FGF14: variants seen among roughly 807,000 people sequenced by gnomAD.
FGF14 encodes fibroblast growth factor homologous factor 4.
Under a neutral mutation model 25.5 loss-of-function variants are expected in FGF14, and 5 were observed. The observed-to-expected ratio is 0.20, with a 90% CI of 0.10 to 0.41. The LOEUF (loss-of-function observed/expected upper bound fraction) is 0.41. FGF14 is among the 10% of genes least tolerant of loss of function. The pLI is 1.00. For synonymous variants in FGF14, 138 were observed against 118.3 expected (o/e 1.17, Z -1.08); for missense variants, 222 against 320.1 (o/e 0.69, Z 2.34).
At chr13:101,963,476 A>G (rs2036995156) in intron 1 of FGF14, among the ~76,000 whole-genome samples, 1 of 152,148 alleles carries the variant, frequency 6.6e-6, no homozygotes, top group African/African-American at 2.4e-5. Flanking sequence ...CCTATGTCAC[A>G]AACTAATGCT....
At chr13:102,033,277 T>C (rs2041302612) in intron 1 of FGF14, among the ~76,000 whole-genome samples, 1 of 152,098 alleles carries the variant, frequency 6.6e-6, no homozygotes, top group Non-Finnish European at 1.5e-5. Flanking sequence ...CAAAGCCATA[T>C]ACCAGTATAC....
intron 1 of FGF14, chr13:102,017,196 T>C (rs1163610047): frequency 6.9e-6 from 2 of 291,204 alleles, no homozygotes; most frequent in African/African-American, 2.2e-5. Flanking sequence ...TCTCCAGTTT[T>C]ACTTGTTGAT....
At chr13:101,934,725 T>C (rs1407869513) in intron 1 of FGF14, among the ~76,000 whole-genome samples, 2 of 147,904 alleles carry the variant, frequency 1.4e-5, no homozygotes, top group African/African-American at 5.0e-5. Flanking sequence ...AAAGTCCAAA[T>C]GCCCCTCACT....
intron 3 of FGF14, among the ~76,000 whole-genome samples, chr13:101,774,528 A>G (rs2038977068): frequency 6.6e-6 from 1 of 152,110 alleles, no homozygotes; most frequent in African/African-American, 2.4e-5. Context: ...GAATGAAGGT[A>G]GTCTTGCTGG....
chr13:101,928,501 G>T (rs1198585723), intron 1 of FGF14, among the ~76,000 whole-genome samples: 4 of 151,432 alleles, frequency 2.6e-5, no homozygotes, highest in Non-Finnish European at 5.9e-5. Flanking sequence ...AATTTTATTC[G>T]TTTATGGCTT....
intron 1 of FGF14, among the ~76,000 whole-genome samples, chr13:102,063,892 G>A (rs2042793022): frequency 1.3e-5 from 2 of 152,046 alleles, no homozygotes; most frequent in African/African-American, 2.4e-5. Flanking sequence ...CATGTCATGC[G>A]ATGAACTATT....
At chr13:102,110,536 G>A (rs778047318) in intron 1 of FGF14, among the ~76,000 whole-genome samples, 2 of 152,072 alleles carry the variant, frequency 1.3e-5, no homozygotes, top group East Asian at 1.9e-4. Flanking sequence ...GCTGCTTTGC[G>A]GCTGGGATCA....
intron 3 of FGF14, among the ~76,000 whole-genome samples, chr13:101,788,955 GAGAGAGAGAGAGAGACAGAGAT>G (rs1566903959): frequency 3.5e-5 from 1 of 28,498 alleles, no homozygotes; most frequent in Non-Finnish European, 7.7e-5. Flanking sequence ...GAGACAGAGA[GAGAGAGAGAGAGAGACAGAGAT>G]AGATAAATAG....
chr13:101,832,749 G>A (rs546973851), intron 3 of FGF14, among the ~76,000 whole-genome samples: 11 of 152,168 alleles, frequency 7.2e-5, no homozygotes, highest in South Asian at 6.2e-4. Flanking sequence ...AAAAGGACAT[G>A]AACTTTTAAA....
At chr13:101,799,177 A>G (rs2140127691) in intron 3 of FGF14, among the ~76,000 whole-genome samples, 1 of 152,156 alleles carries the variant, frequency 6.6e-6, no homozygotes, top group South Asian at 2.1e-4. Flanking sequence ...CCTGAAGTCC[A>G]TTTGGGAATG....
At chr13:102,070,125 T>C (rs2043094662) in intron 1 of FGF14, among the ~76,000 whole-genome samples, 1 of 152,104 alleles carries the variant, frequency 6.6e-6, no homozygotes, top group Admixed American at 6.5e-5. Flanking sequence ...TATTTGCAAA[T>C]GATCCATCTT....
At chr13:102,298,021 A>G (rs1228725769) in intron 1 of FGF14, among the ~76,000 whole-genome samples, 1 of 152,132 alleles carries the variant, frequency 6.6e-6, no homozygotes, top group Non-Finnish European at 1.5e-5. Flanking sequence ...GTTGCAGTGT[A>G]AGAATTTTTG....
At chr13:101,960,163 G>C (rs968192771) in intron 1 of FGF14, among the ~76,000 whole-genome samples, 3 of 152,060 alleles carry the variant, frequency 2.0e-5, no homozygotes, top group African/African-American at 7.2e-5. Flanking sequence ...ATATAAGCTG[G>C]CCTTGAGAAT....
chr13:102,297,601 T>TA (rs1267177056), intron 1 of FGF14, among the ~76,000 whole-genome samples: 1 of 151,720 alleles, frequency 6.6e-6, no homozygotes, highest in African/African-American at 2.4e-5. Flanking sequence ...TTATTACAAA[T>TA]AAAAAAGGGC....
intron 1 of FGF14, among the ~76,000 whole-genome samples, chr13:102,035,231 G>T (rs1044145508): frequency 6.6e-6 from 1 of 152,068 alleles, no homozygotes; most frequent in Non-Finnish European, 1.5e-5. Context: ...GGTGAAATCT[G>T]GGGTGAGCAT....
At chr13:101,743,162 A>G (rs1392121900) in intron 3 of FGF14, among the ~76,000 whole-genome samples, 1 of 152,194 alleles carries the variant, frequency 6.6e-6, no homozygotes, top group Non-Finnish European at 1.5e-5. Flanking sequence ...TCTTGGGCAC[A>G]TGTTGTCAGT....
Position 101,850,515 on chromosome 13 carries a change from G to GCC in FGF14, c.408+18209_408+18210insGG, listed in dbSNP as rs2043768211. 5.2e-5 allele frequency among the ~76,000 whole-genome samples: 2 copies of GCC among 38,518 alleles called. 1 individual carries two copies. The highest frequency in any genetic ancestry group is 1.5e-4 in the African/African-American group (2 of 13,382). The allele number at this position is 38,518 out of a possible 152,430, so 25.3% of individuals were successfully genotyped here. A position where few individuals can be genotyped will look rare whatever the true frequency, so the allele number is the denominator to read the frequency against. On this transcript the variant is annotated intron_variant, in intron 3 of 4. Transcript: ENST00000376143. ...ATATATATATATATATATATATATA[G>GCC]AATTATATATTCTATATATATATAT...
chr13:102,124,522 T>C (rs979483909), intron 1 of FGF14, among the ~76,000 whole-genome samples: 6 of 152,102 alleles, frequency 3.9e-5, no homozygotes, highest in Non-Finnish European at 5.9e-5. Context: ...TGGTATTCAC[T>C]AAAATTAAAG....
chr13:101,919,930 T>C (rs1422886251), upstream of FGF14, among the ~76,000 whole-genome samples: 1 of 152,172 alleles, frequency 6.6e-6, no homozygotes, highest in Non-Finnish European at 1.5e-5. Context: ...ATTCTGGCTG[T>C]GAATTTCAGG....
Sources: gnomAD v4.1 joint callset for allele counts (sites outside exome capture counted in the v4.1 genomes callset) on GRCh38, gnomAD v4.1.1 for gene constraint, MANE v1.5 for transcripts, NCBI Gene and HGNC (gene_info 2026-07-23, HGNC 2026-07-21) for gene names.